TCEA1: variants seen among roughly 807,000 people sequenced by gnomAD.
TCEA1 encodes the protein transcription elongation factor A1.
Under a neutral mutation model 43.8 loss-of-function variants are expected in TCEA1, and 21 were observed. The observed-to-expected ratio is 0.48, with a 90% CI of 0.34 to 0.69. The LOEUF is 0.69. Ranked by LOEUF, TCEA1 falls within the 30% of genes least tolerant of loss-of-function variation. The probability of loss-of-function intolerance (pLI) is 0.01; values close to 1 mark genes in which losing one functional copy is unlikely to be tolerated. For missense variants in TCEA1, 250 were observed against 365.1 expected, an observed-to-expected ratio of 0.68 and a Z score of 2.57; for synonymous variants, 104 against 117.5, an observed-to-expected ratio of 0.88 and a Z score of 0.75.
chr8:53,970,777 G>A lies in TCEA1; in HGVS notation c.826-314C>T, dbSNP rs114653150. 4.1e-3 allele frequency among the ~76,000 whole-genome samples: 623 copies of A among 151,990 alleles called. 4 individuals carry two copies. Among genetic ancestry groups the A allele is most frequent in the African/African-American group, 0.014 (591 of 41,450 alleles). On this transcript the variant is annotated intron_variant, in intron 8 of 9. Coordinates refer to ENST00000521604, the MANE Select transcript of TCEA1 (RefSeq NM_006756.4). Reference sequence around the variant, plus strand: ...TAAAAATTCATCAGTAAGTTATTTCGAATAAGGATCTCAAAAACAATTTCA... The same window carrying A: ...TAAAAATTCATCAGTAAGTTATTTCAAATAAGGATCTCAAAAACAATTTCA...
intron 1 of TCEA1, among the ~76,000 whole-genome samples, chr8:54,015,076 T>C (rs1804779752): frequency 6.6e-6 from 1 of 152,214 alleles, no homozygotes; most frequent in Non-Finnish European, 1.5e-5. Flanking sequence ...AGTGATCATA[T>C]TTAAGCTCAA....
rs1268462669 is a variant in TCEA1, at chr8:53,966,556, T to C, written c.*1548A>G. 5.7e-5 allele frequency: 10 copies of C among 176,556 alleles called. No homozygotes were observed. The East Asian group carries it at 9.9e-4, about 18-fold the overall frequency. The allele number at this position is 176,556 out of a possible 1,614,324, so 10.9% of individuals were successfully genotyped here. On this transcript the variant is annotated 3_prime_UTR_variant, in exon 10 of 10. Transcript: ENST00000521604. ...CTAAATAAAATGACAAAATGTGATA[T>C]ATGTTTAACAACAAAAAAAACTTTA... is the stretch of plus-strand genomic sequence containing the variant.
rs1803038250 is a variant in TCEA1, at chr8:53,967,949, G to A, written c.*155C>T. ...TCCCTACTGATCTGAAACTACAGAA[G>A]GCATTTAAGGAAGGGATGTTAGGTC... On this transcript the variant is annotated 3_prime_UTR_variant, in exon 10 of 10. Transcript: ENST00000521604. 4.2e-5 allele frequency: 22 copies of A among 524,332 alleles called. 2 individuals carry two copies. The South Asian group carries it at 8.6e-4, about 21-fold the overall frequency. 32.5% of individuals were successfully genotyped at this position (524,332 alleles called of 1,614,324 possible).
rs367991896 is a variant in TCEA1, at chr8:54,008,117, G to T, written c.126+2313C>A. Among the ~76,000 whole-genome samples the T allele has an allele frequency of 2.7e-5, 4 of 148,150 alleles. No individual in the cohort carries two copies. In the East Asian group the frequency reaches 8.3e-4, roughly 31 times the overall value. On this transcript the variant is annotated intron_variant, in intron 2 of 9. Transcript: ENST00000521604. Reference sequence around the variant, plus strand: ...GAATTGCTTGAATCCAGAAGGCTGAGGTCGCACGTCGTACCACTGCACTCC... The same window carrying T: ...GAATTGCTTGAATCCAGAAGGCTGATGTCGCACGTCGTACCACTGCACTCC...
At position 54,008,629 on chromosome 8, in the gene TCEA1, G is replaced by A. The variant is rs182141089; in HGVS notation, c.126+1801C>T. ...GCAGTCAGCCAATGATCATGTCATT[G>A]CACTACAACCTGGGCAACAGAGACC... On this transcript the variant is annotated intron_variant, in intron 2 of 9. Coordinates refer to ENST00000521604, the MANE Select transcript of TCEA1 (RefSeq NM_006756.4). Among the ~76,000 whole-genome samples the A allele has an allele frequency of 4.5e-4, 67 of 149,584 alleles. 1 individual carries two copies. In the East Asian group the frequency reaches 0.013, roughly 30 times the overall value.
At chr8:53,970,764 A>T (rs1319391826) in intron 8 of TCEA1, among the ~76,000 whole-genome samples, 1 of 152,222 alleles carries the variant, frequency 6.6e-6, no homozygotes, top group African/African-American at 2.4e-5. Flanking sequence ...AAAATTCATC[A>T]GTAAGTTATT....
intron 8 of TCEA1, among the ~76,000 whole-genome samples, chr8:53,974,726 C>T (rs77730036): frequency 0.2 from 30,091 of 151,888 alleles, 4,293 homozygotes; most frequent in East Asian, 0.74. Context: ...ATGGGGGTTT[C>T]ACCATGTTGG....
rs1471902060 is a variant in TCEA1, at chr8:53,996,918, T to TTTTTTTTTTTTTTTC, written c.232+3026_232+3027insGAAAAAAAAAAAAAA. On this transcript the variant is annotated intron_variant, in intron 3 of 9. Transcript: ENST00000521604. ...AGAAGGTTGTCTTTTTTTTTTTTTT[T>TTTTTTTTTTTTTTTC]AGACAGACTCTCACTCTGTTGCCCA... is the stretch of plus-strand genomic sequence containing the variant. 1.4e-3 allele frequency among the ~76,000 whole-genome samples: 211 copies of TTTTTTTTTTTTTTTC among 149,062 alleles called. 4 individuals are homozygous for TTTTTTTTTTTTTTTC. The highest frequency in any genetic ancestry group is 7.0e-3 in the Middle Eastern group (2 of 284).
At chr8:54,006,768 C>A (rs1804477012) in intron 2 of TCEA1, among the ~76,000 whole-genome samples, 2 of 152,182 alleles carry the variant, frequency 1.3e-5, no homozygotes, top group African/African-American at 4.8e-5. Context: ...GAAACCTGAA[C>A]TCAGAAGGTA....
At chr8:53,987,324 G>C (rs796862611) in intron 5 of TCEA1, among the ~76,000 whole-genome samples, 25 of 152,334 alleles carry the variant, frequency 1.6e-4, no homozygotes, top group African/African-American at 6.0e-4. Flanking sequence ...TGCTCCAGCA[G>C]AGTAGAGAAA....
At chr8:54,014,397 C>T (rs1586039090) in intron 1 of TCEA1, among the ~76,000 whole-genome samples, 1 of 152,158 alleles carries the variant, frequency 6.6e-6, no homozygotes, top group East Asian at 1.9e-4. Context: ...ATCACTTGAG[C>T]CCAGGGGTTC....
In TCEA1 at chr8:53,966,713, T is replaced by C. The variant is rs1229408528; in HGVS notation, c.*1391A>G. The C allele has an allele frequency of 1.5e-5, 3 of 197,884 alleles. No homozygotes were observed. The highest frequency in any genetic ancestry group is 4.6e-5 in the African/African-American group (2 of 43,314). The allele number at this position is 197,884 out of a possible 1,614,324, so 12.3% of individuals were successfully genotyped here. ...TATGAACTGACAAAATAGAGGTGAG[T>C]TGGTACCAGTGGGCCAATTCTTAAC... is the stretch of plus-strand genomic sequence containing the variant. On this transcript the variant is annotated 3_prime_UTR_variant, in exon 10 of 10. Coordinates refer to ENST00000521604, the MANE Select transcript of TCEA1 (RefSeq NM_006756.4).
intron 9 of TCEA1, among the ~76,000 whole-genome samples, chr8:53,969,995 T>C (rs1389069096): frequency 6.6e-6 from 1 of 152,088 alleles, no homozygotes; most frequent in Non-Finnish European, 1.5e-5. Context: ...ACTAAAATCA[T>C]TGGGTCTGAT....
intron 1 of TCEA1, among the ~76,000 whole-genome samples, chr8:54,017,824 G>A (rs1804884278): frequency 6.6e-6 from 1 of 152,122 alleles, no homozygotes; most frequent in Non-Finnish European, 1.5e-5. Flanking sequence ...GGAAGCTGAG[G>A]TGGGAGAGCT....
At chr8:53,973,636 A>C (rs1211438421) in intron 8 of TCEA1, 1 of 569,128 alleles carries the variant, frequency 1.8e-6, no homozygotes, top group Non-Finnish European at 3.4e-6. Context: ...AAGATTGTGG[A>C]GCACCAGAAC....
At chr8:53,974,058 TC>T in intron 8 of TCEA1, 1 of 156,506 alleles carries the variant, frequency 6.4e-6, no homozygotes, top group Admixed American at 6.5e-5. Context: ...GCACCTGTAA[TC>T]CCAGCTACTC....
intron 1 of TCEA1, among the ~76,000 whole-genome samples, chr8:54,012,507 C>T (rs932855698): frequency 7.2e-5 from 11 of 152,058 alleles, no homozygotes; most frequent in African/African-American, 1.7e-4. Context: ...TGCAGTGAGC[C>T]GAGATCGCGC....
At chr8:54,003,474 A>C (rs1804338105) in intron 2 of TCEA1, among the ~76,000 whole-genome samples, 3 of 152,236 alleles carry the variant, frequency 2.0e-5, no homozygotes, top group African/African-American at 7.2e-5. Context: ...CCAAGATAGC[A>C]TAGTACTGGC....
At chr8:54,006,207 T>C (rs1804451131) in intron 2 of TCEA1, among the ~76,000 whole-genome samples, 1 of 152,226 alleles carries the variant, frequency 6.6e-6, no homozygotes, top group Admixed American at 6.5e-5. Context: ...TTTCTTTGGG[T>C]ACCTACATCT....
Sources: allele counts gnomAD v4.1 joint callset (sites outside exome capture counted in the v4.1 genomes callset), GRCh38; gene constraint gnomAD v4.1.1; transcripts MANE v1.5; gene names NCBI Gene and HGNC (gene_info 2026-07-23, HGNC 2026-07-21).